Variants in PIWIL1 observed in about 807,000 individuals in gnomAD.
The protein encoded by PIWIL1 is piwi like RNA-mediated gene silencing 1.
A neutral mutation model predicts 114.4 loss-of-function variants in PIWIL1; 73 were observed. The observed-to-expected ratio is 0.64, with a 90% CI of 0.53 to 0.78. The LOEUF (loss-of-function observed/expected upper bound fraction) is 0.78, where lower values mean the gene tolerates loss of function less well. PIWIL1 is among the 30% of genes least tolerant of loss of function. PIWIL1 has a pLI of 0.00. For synonymous variants in PIWIL1, 375 were observed against 369.0 expected (o/e 1.02, Z -0.19); for missense variants, 723 against 1,063.1 (o/e 0.68, Z 4.45).
the PIWIL1 span, chr12:130,414,206 A>G: frequency 6.2e-7 from 1 of 1,614,220 alleles, no homozygotes; most frequent in Non-Finnish European, 8.5e-7. Context: ...GGTCGTAGTC[A>G]AAGAGAGCCA....
At chr12:130,343,955 G>C (rs1415569950) in intron 3 of PIWIL1, among the ~76,000 whole-genome samples, 1 of 152,144 alleles carries the variant, frequency 6.6e-6, no homozygotes, top group East Asian at 1.9e-4. Context: ...TAGCACAGTG[G>C]TGTGAGGTCT....
At chr12:130,407,783 T>G in the PIWIL1 span, 1 of 1,613,950 alleles carries the variant, frequency 6.2e-7, no homozygotes, top group Non-Finnish European at 8.5e-7. Flanking sequence ...GGGCCACCAT[T>G]CTCCGCGTCG....
chr12:130,384,353 G>T, the PIWIL1 span, among the ~76,000 whole-genome samples: 1 of 152,144 alleles, frequency 6.6e-6, no homozygotes, highest in African/African-American at 2.4e-5. Flanking sequence ...AGTTTGTCCA[G>T]GTTTTAAGAG....
chr12:130,383,119 T>G, the PIWIL1 span, among the ~76,000 whole-genome samples: 1 of 152,242 alleles, frequency 6.6e-6, no homozygotes, highest in Admixed American at 6.5e-5. Flanking sequence ...AAATTCTTAA[T>G]TGAATTAACC....
chr12:130,425,181 T>C, the PIWIL1 span: 1 of 233,828 alleles, frequency 4.3e-6, no homozygotes, highest in Admixed American at 5.7e-5. Context: ...GTGCCCACGG[T>C]ACCGCTGCTG....
At chr12:130,421,689 A>ATGTGTG in the PIWIL1 span, among the ~76,000 whole-genome samples, 302 of 106,990 alleles carry the variant, frequency 2.8e-3, no homozygotes, top group Middle Eastern at 0.013. Flanking sequence ...CCCTGCATTT[A>ATGTGTG]TATGTGTGTG....
chr12:130,419,015 C>T, the PIWIL1 span, among the ~76,000 whole-genome samples: 9 of 152,124 alleles, frequency 5.9e-5, no homozygotes, highest in Non-Finnish European at 8.8e-5. The surrounding 1 kb of genome is among the most constrained non-coding windows in gnomAD (Gnocchi z 4.3). Flanking sequence ...TGGAGTTGAA[C>T]GTATGTGAAT....
At chr12:130,358,240 G>A (rs1220919115) in intron 14 of PIWIL1, among the ~76,000 whole-genome samples, 1 of 152,184 alleles carries the variant, frequency 6.6e-6, no homozygotes, top group African/African-American at 2.4e-5. Context: ...TTAGGAATTG[G>A]AGACAGGGAC....
chr12:130,355,513 T>A (rs1269799866), intron 11 of PIWIL1, 40 bp from the exon 12 acceptor site: 2 of 1,387,778 alleles, frequency 1.4e-6, no homozygotes, highest in African/African-American at 1.4e-5. Context: ...TCTTGCTGTG[T>A]CTCTTTGTTG....
At chr12:130,392,345 AATGTTGTGATG>A in the PIWIL1 span, among the ~76,000 whole-genome samples, 1 of 146,424 alleles carries the variant, frequency 6.8e-6, no homozygotes, top group African/African-American at 2.5e-5. Flanking sequence ...GTGAATATTG[AATGTTGTGATG>A]ACCCGGTCAC....
intron 16 of PIWIL1, 99 bp from the exon 17 acceptor site, chr12:130,362,667 T>C (rs1375144634): frequency 5.9e-6 from 6 of 1,014,018 alleles, no homozygotes; most frequent in South Asian, 1.4e-5. Context: ...GTTACAAAGA[T>C]GACAGATTGC....
At chr12:130,421,864 C>G in the PIWIL1 span, among the ~76,000 whole-genome samples, 1 of 152,112 alleles carries the variant, frequency 6.6e-6, no homozygotes, top group Non-Finnish European at 1.5e-5. Context: ...ATGACTAAAA[C>G]GATAGCTTTC....
At position 130,360,515 on chromosome 12, in the gene PIWIL1, C is replaced by G. The variant is rs150997265; in HGVS notation, c.1666-665C>G. Among the ~76,000 whole-genome samples the G allele has an allele frequency of 4.5e-3, 678 of 152,280 alleles. 2 individuals carry two copies. Among genetic ancestry groups the G allele is most frequent in the African/African-American group, 0.015 (634 of 41,542 alleles). On this transcript the variant is annotated intron_variant, in intron 14 of 20. Coordinates refer to ENST00000245255, the MANE Select transcript of PIWIL1 (RefSeq NM_004764.5). The stretch of plus-strand genomic sequence containing the variant: ...AGGCATGGTGGTGCGAACCTGTAGT[C>G]CCAGCTACTCTGGGGGCTGAGGCAG...
At chr12:130,343,621 C>CTTTTT (rs533583982) in intron 3 of PIWIL1, among the ~76,000 whole-genome samples, 7 of 116,498 alleles carry the variant, frequency 6.0e-5, no homozygotes, top group Non-Finnish European at 8.7e-5. Flanking sequence ...TTGAAGGATT[C>CTTTTT]TTTTTTTTTT....
intron 19 of PIWIL1, 41 bp downstream of exon 19, chr12:130,367,299 G>A (rs1431320950): frequency 6.3e-7 from 1 of 1,578,276 alleles, no homozygotes; most frequent in Non-Finnish European, 8.6e-7. Flanking sequence ...TTTCTCCTTG[G>A]TGGTGGTTTC....
At chr12:130,419,979 C>T in the PIWIL1 span, among the ~76,000 whole-genome samples, 1 of 152,162 alleles carries the variant, frequency 6.6e-6, no homozygotes. This position sits in a 1 kb window ranked among gnomAD's most constrained non-coding sequence, Gnocchi z 4.3. Flanking sequence ...TGTAGGTCCA[C>T]TGCTTATTAA....
intron 1 of PIWIL1, among the ~76,000 whole-genome samples, chr12:130,338,830 A>C (rs1178438504): frequency 3.9e-5 from 3 of 77,126 alleles, no homozygotes; most frequent in African/African-American, 1.6e-4. Context: ...CTGAGGCCCG[A>C]CTTGCCGGGG....
At chr12:130,421,691 A>ATGTGTGTGTGTG in the PIWIL1 span, among the ~76,000 whole-genome samples, 7,258 of 147,186 alleles carry the variant, frequency 0.049, 263 homozygotes, top group East Asian at 0.12. Flanking sequence ...CTGCATTTAT[A>ATGTGTGTGTGTG]TGTGTGTGTG....
the PIWIL1 span, chr12:130,399,813 C>G: frequency 6.2e-7 from 1 of 1,614,086 alleles, no homozygotes; most frequent in Non-Finnish European, 8.5e-7. Context: ...TTCAGCTCCC[C>G]CTAAAACACC....
Sources: allele counts gnomAD v4.1 joint callset (sites outside exome capture counted in the v4.1 genomes callset), GRCh38; gene constraint gnomAD v4.1.1; non-coding constraint Gnocchi (gnomAD v3.1); transcripts MANE v1.5; gene names NCBI Gene and HGNC (gene_info 2026-07-23, HGNC 2026-07-21).